The following CFI variants were observed in gnomAD, a reference collection of about 807,000 sequenced individuals.
CFI encodes C3B/C4B inactivator.
In CFI, 66 loss-of-function variants were observed where a neutral mutation model predicts 78.8. That is an observed-to-expected ratio of 0.84 (90% CI 0.69 to 1.03). The LOEUF is 1.03. Among genes scored for constraint, CFI ranks in the 50% least tolerant of loss-of-function variants. The probability of loss-of-function intolerance (pLI) is 0.00; values close to 1 mark genes in which losing one functional copy is unlikely to be tolerated. For synonymous variants in CFI, 250 were observed against 232.6 expected (o/e 1.07, Z -0.68); for missense variants, 706 against 704.5 (o/e 1.00, Z -0.02).
chr4:109,770,633 G>GAAA (rs370657391), intron 1 of CFI, among the ~76,000 whole-genome samples: 42 of 78,304 alleles, frequency 5.4e-4, no homozygotes, highest in Non-Finnish European at 9.3e-4. Context: ...ACACAGACCA[G>GAAA]AAAAAAAAAA....
At chr4:109,784,331 C>T (rs1033870874) in intron 1 of CFI, among the ~76,000 whole-genome samples, 4 of 151,966 alleles carry the variant, frequency 2.6e-5, no homozygotes, top group Non-Finnish European at 5.9e-5. Flanking sequence ...ATAAGCATAA[C>T]AAATTTTTAA....
At chr4:109,777,778 C>G (rs993936766) in intron 1 of CFI, among the ~76,000 whole-genome samples, 2 of 152,170 alleles carry the variant, frequency 1.3e-5, no homozygotes, top group Non-Finnish European at 2.9e-5. Flanking sequence ...TTATAACAAA[C>G]TGTCTCTCAG....
At position 109,760,393 on chromosome 4, in the gene CFI, A is replaced by G. The variant is rs1361663071; in HGVS notation, c.773-13T>C. 1.2e-6 allele frequency: 2 copies of G among 1,603,640 alleles called. No individual in the cohort carries two copies. The highest frequency in any genetic ancestry group is 2.2e-5 in the South Asian group (2 of 90,848). On this transcript the variant is annotated splice_polypyrimidine_tract_variant and intron_variant, in intron 5 of 12. Transcript: ENST00000394634. Reference sequence around the variant, plus strand: ...TTGCCTTGGCATGCTGTGCAAACATAAGCAGGAGAGGTTTTTTTCATTCCT... The same window carrying G: ...TTGCCTTGGCATGCTGTGCAAACATGAGCAGGAGAGGTTTTTTTCATTCCT...
intron 4 of CFI, 114 bp downstream of exon 4, chr4:109,761,403 A>G (rs1644006204): frequency 4.8e-6 from 5 of 1,051,356 alleles, no homozygotes; most frequent in Non-Finnish European, 7.4e-6. Context: ...GACAGAATCT[A>G]TATTATTGCC....
chr4:109,734,396 G>A, the CFI span, among the ~76,000 whole-genome samples: 1 of 152,148 alleles, frequency 6.6e-6, no homozygotes, highest in Non-Finnish European at 1.5e-5. Context: ...GGTGAGGGCC[G>A]GATATTGACT....
At chr4:109,761,463 G>A in intron 4 of CFI, 54 bp downstream of exon 4, 6 of 1,527,172 alleles carry the variant, frequency 3.9e-6, no homozygotes, top group Non-Finnish European at 5.4e-6. Flanking sequence ...TAGGCTTGGT[G>A]TAAAATAAAC....
At chr4:109,786,936 C>G (rs982394824) in intron 1 of CFI, among the ~76,000 whole-genome samples, 1 of 151,914 alleles carries the variant, frequency 6.6e-6, no homozygotes, top group African/African-American at 2.4e-5. Flanking sequence ...GGTGTATTAC[C>G]CTGTTCTTTG....
At chr4:109,780,887 T>C (rs1233542681) in intron 1 of CFI, among the ~76,000 whole-genome samples, 3 of 152,104 alleles carry the variant, frequency 2.0e-5, no homozygotes, top group African/African-American at 4.8e-5. Context: ...CTGAGCAAAC[T>C]ATCACAAGGA....
At chr4:109,764,374 G>A in intron 3 of CFI, 163 bp downstream of exon 3, 1 of 781,816 alleles carries the variant, frequency 1.3e-6, no homozygotes, top group Non-Finnish European at 2.2e-6. Context: ...CAAGTGTTGG[G>A]TAAACATGAA....
At chr4:109,744,213 G>C (rs1724148309) in intron 11 of CFI, among the ~76,000 whole-genome samples, 3 of 152,078 alleles carry the variant, frequency 2.0e-5, no homozygotes, top group African/African-American at 7.2e-5. Flanking sequence ...AATAAATGAG[G>C]AATATTAAAC....
Position 109,746,521 on chromosome 4 carries a change from G to A in CFI, c.1149-19C>T. On this transcript the variant is annotated intron_variant, in intron 10 of 12. Coordinates refer to ENST00000394634, the MANE Select transcript of CFI (RefSeq NM_000204.5). ...ACTGGCTCTATAACAGAAAAAAAAA[G>A]GAAATAAAATATATTGAGAAAAAAT... 2 of 1,545,276 alleles carry A rather than the reference G, an allele frequency of 1.3e-6. No individual in the cohort carries two copies. Among genetic ancestry groups the A allele is most frequent in the Non-Finnish European group, 1.8e-6 (2 of 1,138,688 alleles).
intron 1 of CFI, among the ~76,000 whole-genome samples, chr4:109,787,861 T>G (rs966444047): frequency 3.9e-5 from 6 of 152,058 alleles, no homozygotes; most frequent in African/African-American, 1.4e-4. Context: ...TTTTGTCTAT[T>G]TTTTAAATTT....
In CFI at chr4:109,799,044, A is replaced by C. The variant is rs555237509; in HGVS notation, c.57+2871T>G. On this transcript the variant is annotated intron_variant, in intron 1 of 12. Coordinates refer to ENST00000394634, the MANE Select transcript of CFI (RefSeq NM_000204.5). ...CACTTCATACTTGCACTGAACTTAG[A>C]CAACCACCAGAGGTGCAGGCTCAGA... is the stretch of plus-strand genomic sequence containing the variant. Among the ~76,000 whole-genome samples the C allele has an allele frequency of 5.3e-5, 8 of 152,218 alleles. No individual in the cohort carries two copies. In the South Asian group the frequency reaches 1.7e-3, roughly 32 times the overall value.
At chr4:109,768,840 T>C (rs1465389897) in intron 1 of CFI, among the ~76,000 whole-genome samples, 1 of 152,156 alleles carries the variant, frequency 6.6e-6, no homozygotes, top group East Asian at 1.9e-4. Flanking sequence ...CTTGCAAGGA[T>C]TGTCAAAGTC....
At chr4:109,790,431 A>G (rs542120386) in intron 1 of CFI, among the ~76,000 whole-genome samples, 2 of 151,968 alleles carry the variant, frequency 1.3e-5, no homozygotes, top group Non-Finnish European at 2.9e-5. Context: ...ACTCTTTTTT[A>G]AAACTTTTAA....
At chr4:109,794,572 A>G (rs1292952657) in intron 1 of CFI, 1 of 152,106 alleles carries the variant, frequency 6.6e-6, no homozygotes, top group Non-Finnish European at 1.5e-5. Context: ...TGGGTGGATC[A>G]CTTGAGGTTC....
In CFI at chr4:109,791,847, T is replaced by C. The variant is rs188865624; in HGVS notation, c.57+10068A>G. 2.5e-3 allele frequency among the ~76,000 whole-genome samples: 383 copies of C among 152,318 alleles called. 1 individual carries two copies. The highest frequency in any genetic ancestry group is 8.9e-3 in the African/African-American group (372 of 41,576). ...TGATAACTGCTTTCGCTGCATATCA[T>C]ATGTTTTGGTATGTTGTGTTTTGTT... On this transcript the variant is annotated intron_variant, in intron 1 of 12. Transcript: ENST00000394634.
intron 7 of CFI, among the ~76,000 whole-genome samples, chr4:109,752,826 C>T (rs1225167317): frequency 1.4e-5 from 2 of 141,658 alleles, no homozygotes; most frequent in Non-Finnish European, 3.0e-5. Context: ...AAGAGGAAGG[C>T]TTCTATTTCA....
At chr4:109,790,189 A>T (rs745819766) in intron 1 of CFI, among the ~76,000 whole-genome samples, 1 of 151,756 alleles carries the variant, frequency 6.6e-6, no homozygotes, top group Non-Finnish European at 1.5e-5. Context: ...AGGTATTTGT[A>T]TCTTCTCTCT....
Sources: gnomAD v4.1 joint callset for allele counts (sites outside exome capture counted in the v4.1 genomes callset) on GRCh38, gnomAD v4.1.1 for gene constraint, MANE v1.5 for transcripts, NCBI Gene and HGNC (gene_info 2026-07-23, HGNC 2026-07-21) for gene names.